PCDH15: variants seen among roughly 807,000 people sequenced by gnomAD.
PCDH15 encodes protocadherin-15.
PCDH15 carries 129 observed loss-of-function variants against 178.5 expected under a neutral mutation model. The ratio of observed to expected loss-of-function variants is 0.72; its 90% CI spans 0.63 to 0.84. The LOEUF is 0.84. PCDH15 is among the 40% of genes least tolerant of loss of function. The pLI is 0.00. For synonymous variants in PCDH15, 800 were observed against 732.0 expected, an observed-to-expected ratio of 1.09 and a Z score of -1.50; for missense variants, 2,230 against 2,099.9, an observed-to-expected ratio of 1.06 and a Z score of -1.21.
intron 2 of PCDH15, among the ~76,000 whole-genome samples, chr10:54,550,405 A>G (rs2086425185): frequency 6.6e-6 from 1 of 152,038 alleles, no homozygotes; most frequent in Non-Finnish European, 1.5e-5. Flanking sequence ...AACATAATTT[A>G]TATTTTAAAA....
In PCDH15 at chr10:55,069,602, T is replaced by C. The variant is rs535913922; in HGVS notation, c.-80+96974A>G. Among the ~76,000 whole-genome samples the C allele has an allele frequency of 4.1e-3, 591 of 144,642 alleles. 1 individual carries two copies. The highest frequency in any genetic ancestry group is 0.015 in the African/African-American group (575 of 39,094). The allele number at this position is 144,642 out of a possible 152,430, so 94.9% of individuals were successfully genotyped here. On this transcript the variant is annotated intron_variant, in intron 2 of 5. Coordinates refer to the PCDH15 transcript ENST00000458638. Reference sequence around the variant, plus strand: ...TTCATCCATGTCCCTACAAAGGACATGAACTCATCATTTTTTATGGCTGCA... The same window carrying C: ...TTCATCCATGTCCCTACAAAGGACACGAACTCATCATTTTTTATGGCTGCA...
intron 1 of PCDH15, among the ~76,000 whole-genome samples, chr10:54,694,087 T>C (rs2095178215): frequency 6.6e-6 from 1 of 152,094 alleles, no homozygotes; most frequent in Admixed American, 6.6e-5. Flanking sequence ...GAAAATAAAA[T>C]GATGTACATA....
chr10:55,616,397 A>C (rs1843476032), intron 2 of PCDH15, among the ~76,000 whole-genome samples: 1 of 152,168 alleles, frequency 6.6e-6, no homozygotes, highest in Admixed American at 6.6e-5. Context: ...GTTTTATTTA[A>C]ATAAAAAGGA....
rs1422770690 is a variant in PCDH15, at chr10:53,927,734, T to G, written c.3373+11081A>C. Among the ~76,000 whole-genome samples the G allele has an allele frequency of 2.0e-5, 3 of 152,130 alleles. No individual in the cohort carries two copies. The East Asian group carries it at 5.8e-4, about 29-fold the overall frequency. On this transcript the variant is annotated intron_variant, in intron 25 of 37. Coordinates refer to ENST00000644397, the MANE Select transcript of PCDH15 (RefSeq NM_001384140.1). ...ATCTTCATAGTGTTATCTATACTAT[T>G]CTCTTCTTTGGGATCTATCTCACAT...
At chr10:55,100,419 TCTC>T (rs1476228596) in intron 2 of PCDH15, among the ~76,000 whole-genome samples, 1 of 152,174 alleles carries the variant, frequency 6.6e-6, no homozygotes, top group African/African-American at 2.4e-5. Context: ...CACAGTGTCT[TCTC>T]TGCTGTGTGC....
At chr10:54,435,238 C>T (rs1481412850) in intron 3 of PCDH15, among the ~76,000 whole-genome samples, 1 of 152,148 alleles carries the variant, frequency 6.6e-6, no homozygotes, top group African/African-American at 2.4e-5. Flanking sequence ...TAAGAGGACT[C>T]TTTATTAATC....
Position 55,226,625 on chromosome 10 carries a change from G to A in PCDH15, c.-155-59974C>T, listed in dbSNP as rs538420452. ...TCGAACTCCTGACCTCAGGTGATCC[G>A]CCCGCCTCGGCCTCCCAAAGTGCTG... On this transcript the variant is annotated intron_variant, in intron 1 of 5. Coordinates refer to the PCDH15 transcript ENST00000458638. Among the ~76,000 whole-genome samples, 103 of 151,924 alleles carry A rather than the reference G, an allele frequency of 6.8e-4. 1 individual carries two copies. In the South Asian group the frequency reaches 0.02, roughly 29 times the overall value.
rs147267536 is a variant in PCDH15 at position 55,007,859 on chromosome 10, A to G, written c.-79-110359T>C. Among the ~76,000 whole-genome samples, 1,199 of 152,304 alleles carry G rather than the reference A, an allele frequency of 7.9e-3. 8 individuals carry two copies. Among genetic ancestry groups the G allele is most frequent in the Non-Finnish European group, 0.011 (721 of 67,990 alleles). ...AATAAGGGGAGAGGACTGTTTAACCATAAATATGACTAAAGAGATAAAACT... is the reference window on the plus strand; with the variant it reads ...AATAAGGGGAGAGGACTGTTTAACCGTAAATATGACTAAAGAGATAAAACT... On this transcript the variant is annotated intron_variant, in intron 2 of 5. Transcript: ENST00000458638.
At chr10:54,833,185 A>G (rs1336087547) in intron 3 of PCDH15, among the ~76,000 whole-genome samples, 1 of 152,142 alleles carries the variant, frequency 6.6e-6, no homozygotes. Context: ...ATAGACTTTC[A>G]AGAAGAGTTT....
intron 1 of PCDH15, among the ~76,000 whole-genome samples, chr10:55,180,482 T>C (rs1839617811): frequency 6.6e-6 from 1 of 152,148 alleles, no homozygotes; most frequent in South Asian, 2.1e-4. Context: ...AGCTATTGTA[T>C]TAATTCACTC....
At chr10:54,354,714 A>C (rs1427193310) in intron 5 of PCDH15, among the ~76,000 whole-genome samples, 2 of 152,002 alleles carry the variant, frequency 1.3e-5, no homozygotes, top group Non-Finnish European at 2.9e-5. Flanking sequence ...TTATACCTAG[A>C]AATTGTAAAC....
chr10:54,871,011 C>G (rs990941020), intron 3 of PCDH15, among the ~76,000 whole-genome samples: 1 of 152,110 alleles, frequency 6.6e-6, no homozygotes, highest in East Asian at 1.9e-4. Flanking sequence ...AGGATCTGCT[C>G]TAGCTTCTGA....
chr10:54,752,518 AAAC>A (rs1210541598), intron 1 of PCDH15, among the ~76,000 whole-genome samples: 1 of 77,652 alleles, frequency 1.3e-5, no homozygotes, highest in Non-Finnish European at 3.2e-5. Context: ...AAAAACAAAC[AAAC>A]AAACAAACAA....
chr10:55,219,963 C>G lies in PCDH15; in HGVS notation c.-155-53312G>C, dbSNP rs185874524. Reference sequence around the variant, plus strand: ...TCAATAAATGTTCTATTTATAAACTCTCCAATATCTTTAAGGGACCACATG... The same window carrying G: ...TCAATAAATGTTCTATTTATAAACTGTCCAATATCTTTAAGGGACCACATG... On this transcript the variant is annotated intron_variant, in intron 1 of 5. Coordinates refer to the PCDH15 transcript ENST00000458638. Among the ~76,000 whole-genome samples, 31 of 151,764 alleles carry G rather than the reference C, an allele frequency of 2.0e-4. 1 individual carries two copies. The highest frequency in any genetic ancestry group is 1.1e-3 in the Admixed American group (17 of 15,226).
intron 18 of PCDH15, among the ~76,000 whole-genome samples, chr10:54,054,782 A>G (rs2093850046): frequency 6.6e-6 from 1 of 152,016 alleles, no homozygotes; most frequent in African/African-American, 2.4e-5. Flanking sequence ...TATGTAGCAC[A>G]TTTATATTGA....
intron 2 of PCDH15, among the ~76,000 whole-genome samples, chr10:54,939,876 C>T (rs1838016618): frequency 6.6e-6 from 1 of 152,150 alleles, no homozygotes; most frequent in Non-Finnish European, 1.5e-5. Flanking sequence ...TTCGTGAGAT[C>T]AGAGACCTCA....
chr10:55,097,765 G>A (rs1193758710), intron 2 of PCDH15, among the ~76,000 whole-genome samples: 1 of 152,070 alleles, frequency 6.6e-6, no homozygotes, highest in Non-Finnish European at 1.5e-5. Flanking sequence ...AGTCACACCT[G>A]TAATTTTTCC....
chr10:54,624,215 G>T lies in PCDH15; in HGVS notation c.91+39957C>A, dbSNP rs559603609. On this transcript the variant is annotated intron_variant, in intron 2 of 37. Transcript: ENST00000644397. ...AAGAAATAAATAAATAAATTATAAT[G>T]CTCTAAATGAAATTTGGCATATACC... Among the ~76,000 whole-genome samples, 88 of 152,208 alleles carry T rather than the reference G, an allele frequency of 5.8e-4. 3 individuals carry two copies. Among genetic ancestry groups the T allele is most frequent in the Non-Finnish European group, 2.8e-4 (19 of 67,998 alleles).
At chr10:54,581,465 A>G (rs2133794637) in intron 2 of PCDH15, among the ~76,000 whole-genome samples, 1 of 152,216 alleles carries the variant, frequency 6.6e-6, no homozygotes, top group East Asian at 1.9e-4. Flanking sequence ...TTCCACACTC[A>G]TGGAAGGTAA....
Sources: allele counts gnomAD v4.1 joint callset (sites outside exome capture counted in the v4.1 genomes callset), GRCh38; gene constraint gnomAD v4.1.1; transcripts MANE v1.5; gene names NCBI Gene and HGNC (gene_info 2026-07-23, HGNC 2026-07-21).